The following PTPRD variants were observed in gnomAD, a reference collection of about 807,000 sequenced individuals.
PTPRD encodes receptor-type tyrosine-protein phosphatase delta.
In PTPRD, 34 loss-of-function variants were observed where a neutral mutation model predicts 214.5. That is an observed-to-expected ratio of 0.16 (90% CI 0.12 to 0.21). The LOEUF (loss-of-function observed/expected upper bound fraction) is 0.21, where lower values mean the gene tolerates loss of function less well. PTPRD is among the 10% of genes least tolerant of loss of function. The pLI is 1.00. For missense variants in PTPRD, 2,545 were observed against 2,398.7 expected (o/e 1.06, Z -1.27); for synonymous variants, 1,128 against 845.7 (o/e 1.33, Z -5.79).
chr9:8,588,371 T>C (rs1012918139), intron 14 of PTPRD, among the ~76,000 whole-genome samples: 6 of 152,218 alleles, frequency 3.9e-5, no homozygotes, highest in Non-Finnish European at 8.8e-5. Context: ...GTCACAGTCA[T>C]ATTAAGCTTA....
intron 3 of PTPRD, among the ~76,000 whole-genome samples, chr9:10,297,424 C>T (rs1266739409): frequency 6.6e-6 from 1 of 151,862 alleles, no homozygotes; most frequent in Non-Finnish European, 1.5e-5. Context: ...CCTCATGATT[C>T]TAAGAAAAAG....
chr9:9,923,123 G>GGGT (rs1555340191), intron 5 of PTPRD, among the ~76,000 whole-genome samples: 56 of 145,058 alleles, frequency 3.9e-4, no homozygotes, highest in Non-Finnish European at 6.8e-4. Flanking sequence ...GTGTGTGGGG[G>GGGT]GTGTGTGTGT....
rs377744836 is a variant in PTPRD, at chr9:8,460,321, A to G, written c.3875+90T>C. ...ATGGCACTGAAGTATTTCTACTAAA[A>G]TCAACCACCTAAGGACAGCAGAACA... On this transcript the variant is annotated intron_variant, in intron 33 of 45. Coordinates refer to ENST00000381196, the MANE Select transcript of PTPRD (RefSeq NM_002839.4). 1.2e-4 allele frequency: 175 copies of G among 1,483,962 alleles called. 1 individual carries two copies. The Middle Eastern group carries it at 2.8e-3, about 24-fold the overall frequency. 91.9% of individuals were successfully genotyped at this position (1,483,962 alleles called of 1,614,324 possible).
chr9:8,569,982 A>AACC (rs2090605389), intron 14 of PTPRD, among the ~76,000 whole-genome samples: 1 of 152,074 alleles, frequency 6.6e-6, no homozygotes, highest in Non-Finnish European at 1.5e-5. Flanking sequence ...CTGTTAGAAA[A>AACC]ACCACAGTTT....
At position 9,797,345 on chromosome 9, in the gene PTPRD, A is replaced by G. The variant is rs574636898; in HGVS notation, c.-367-30494T>C. ...AAATTAAATTATTTTATAAGAAAATACTATAAATTACATATTTAAAATGTG... is the reference window on the plus strand; with the variant it reads ...AAATTAAATTATTTTATAAGAAAATGCTATAAATTACATATTTAAAATGTG... On this transcript the variant is annotated intron_variant, in intron 5 of 45. Coordinates refer to ENST00000381196, the MANE Select transcript of PTPRD (RefSeq NM_002839.4). Among the ~76,000 whole-genome samples, 28 of 150,732 alleles carry G rather than the reference A, an allele frequency of 1.9e-4. No individual in the cohort carries two copies. In the South Asian group the frequency reaches 5.6e-3, roughly 30 times the overall value.
At chr9:9,567,348 G>A (rs369289227) in intron 8 of PTPRD, among the ~76,000 whole-genome samples, 16 of 151,838 alleles carry the variant, frequency 1.1e-4, no homozygotes, top group East Asian at 7.7e-4. Flanking sequence ...TAGGTATGCC[G>A]GTCTCATGGA....
chr9:9,439,970 T>C (rs1045723597), intron 8 of PTPRD, among the ~76,000 whole-genome samples: 1 of 152,232 alleles, frequency 6.6e-6, no homozygotes, highest in African/African-American at 2.4e-5. Flanking sequence ...ACCATCATCA[T>C]GACATAGTAA....
chr9:9,569,276 G>C (rs1481636545), intron 8 of PTPRD, among the ~76,000 whole-genome samples: 1 of 148,716 alleles, frequency 6.7e-6, no homozygotes, highest in Admixed American at 6.7e-5. Context: ...ACAGAGCAGA[G>C]GGGAAAAAAA....
intron 3 of PTPRD, among the ~76,000 whole-genome samples, chr9:10,132,895 C>T (rs1422658523): frequency 2.6e-5 from 4 of 152,136 alleles, no homozygotes; most frequent in Non-Finnish European, 5.9e-5. Flanking sequence ...CAATCCCCTC[C>T]CACTTTGGCC....
At chr9:9,018,000 C>A (rs983889107) in intron 11 of PTPRD, among the ~76,000 whole-genome samples, 1 of 152,068 alleles carries the variant, frequency 6.6e-6, no homozygotes, top group Non-Finnish European at 1.5e-5. Flanking sequence ...CAATGAAGTG[C>A]AAGTATATGT....
intron 3 of PTPRD, among the ~76,000 whole-genome samples, chr9:10,120,217 T>C (rs2098764014): frequency 6.6e-6 from 1 of 152,058 alleles, no homozygotes; most frequent in African/African-American, 2.4e-5. Context: ...TTGCATTATT[T>C]CATATAATTT....
chr9:9,093,528 A>G (rs1358537236), intron 10 of PTPRD, among the ~76,000 whole-genome samples: 1 of 152,052 alleles, frequency 6.6e-6, no homozygotes, highest in Non-Finnish European at 1.5e-5. Flanking sequence ...GTAATAAACA[A>G]TCTAGAAAAT....
intron 7 of PTPRD, among the ~76,000 whole-genome samples, chr9:9,721,088 A>C (rs997832766): frequency 1.3e-5 from 2 of 152,162 alleles, no homozygotes; most frequent in African/African-American, 4.8e-5. Context: ...CCTCTGTGAC[A>C]TGAGTTTATC....
rs578262303 is a variant in PTPRD, at chr9:8,316,373, G to A, written c.*1501C>T. 2.6e-5 allele frequency: 6 copies of A among 231,226 alleles called. No homozygotes were observed. The highest frequency in any genetic ancestry group is 1.1e-4 in the Admixed American group (2 of 17,680). The allele number at this position is 231,226 out of a possible 1,614,324, so 14.3% of individuals were successfully genotyped here. On this transcript the variant is annotated 3_prime_UTR_variant, in exon 46 of 46. Transcript: ENST00000381196. ...CTAAATGCAAAACTAAAACCAAAAC[G>A]AAACAAAGTACAGCACTTCCCAGGA...
chr9:9,225,820 T>C (rs1425204088), intron 9 of PTPRD, among the ~76,000 whole-genome samples: 4 of 152,132 alleles, frequency 2.6e-5, no homozygotes, highest in South Asian at 4.1e-4. Flanking sequence ...ACTAGACAGT[T>C]TGAATAGTGT....
intron 14 of PTPRD, among the ~76,000 whole-genome samples, chr9:8,530,421 C>G (rs568254652): frequency 8.5e-4 from 129 of 152,212 alleles, no homozygotes; most frequent in African/African-American, 2.9e-3. Context: ...CAGCCAAAGT[C>G]ACCTTCTTTG....
At chr9:9,453,297 G>T (rs920465955) in intron 8 of PTPRD, among the ~76,000 whole-genome samples, 1 of 151,504 alleles carries the variant, frequency 6.6e-6, no homozygotes, top group African/African-American at 2.4e-5. Context: ...TGCATATTCA[G>T]AGGCTGCCAC....
At chr9:9,880,400 T>A (rs992266033) in intron 5 of PTPRD, among the ~76,000 whole-genome samples, 1 of 152,168 alleles carries the variant, frequency 6.6e-6, no homozygotes, top group Non-Finnish European at 1.5e-5. Flanking sequence ...TAAGTGAAAA[T>A]GTTAATGTAC....
chr9:10,202,940 C>T (rs2099436576), intron 3 of PTPRD, among the ~76,000 whole-genome samples: 1 of 151,710 alleles, frequency 6.6e-6, no homozygotes, highest in South Asian at 2.1e-4. Context: ...GACCACCTAA[C>T]CTCCAGAACT....
Sources: gnomAD v4.1 joint callset for allele counts (sites outside exome capture counted in the v4.1 genomes callset) on GRCh38, gnomAD v4.1.1 for gene constraint, MANE v1.5 for transcripts, NCBI Gene and HGNC (gene_info 2026-07-23, HGNC 2026-07-21) for gene names.